COG7: variants seen among roughly 807,000 people sequenced by gnomAD.
The protein encoded by COG7 is component of oligomeric golgi complex 7, also known as conserved oligomeric Golgi complex subunit 7.
A neutral mutation model predicts 91.5 loss-of-function variants in COG7; 49 were observed. That is an observed-to-expected ratio of 0.54 (90% CI 0.43 to 0.68). COG7 has a LOEUF of 0.68. Among genes scored for constraint, COG7 ranks in the 30% least tolerant of loss-of-function variants. The pLI, the probability that COG7 is intolerant of heterozygous loss-of-function variation, is 0.00. For synonymous variants in COG7, 365 were observed against 388.7 expected (o/e 0.94, Z 0.72); for missense variants, 895 against 961.3 (o/e 0.93, Z 0.91).
intron 1 of COG7, chr16:23,446,317 C>T (rs1228715198): frequency 2.3e-5 from 8 of 345,020 alleles, no homozygotes; most frequent in South Asian, 1.4e-4. Context: ...TTAATGTCCA[C>T]GGCGGTCATT....
At chr16:23,418,926 A>G in intron 7 of COG7, 99 bp from the exon 8 acceptor site, 2 of 1,066,712 alleles carry the variant, frequency 1.9e-6, no homozygotes, top group South Asian at 1.3e-5. Context: ...AACTTTCCCC[A>G]TTTGATCTCC....
chr16:23,435,323 C>T (rs771879875), intron 4 of COG7, among the ~76,000 whole-genome samples: 6 of 151,802 alleles, frequency 4.0e-5, no homozygotes, highest in Admixed American at 6.6e-5. Context: ...GCCAAGATCG[C>T]GCCACTGCAC....
intron 1 of COG7, chr16:23,446,556 A>C (rs1021122760): frequency 6.8e-6 from 1 of 148,084 alleles, no homozygotes; most frequent in Non-Finnish European, 1.4e-5. Flanking sequence ...GGTTCAAGTG[A>C]TTCTCCTGCC....
At position 23,433,819 on chromosome 16, in the gene COG7, G is replaced by GAA. The variant is rs34978942; in HGVS notation, c.688-154_688-153dup. ...GTCCATTCACTTCAAAGAAAGGCAG[G>GAA]AAAAAAAAAAAAACATTTGCAGTTA... On this transcript the variant is annotated intron_variant, in intron 5 of 16. Coordinates refer to ENST00000307149, the MANE Select transcript of COG7 (RefSeq NM_153603.4). 0.026 allele frequency: 15,090 copies of GAA among 586,948 alleles called. 94 individuals are homozygous for GAA. The highest frequency in any genetic ancestry group is 0.07 in the African/African-American group (3,529 of 50,078). The allele number at this position is 586,948 out of a possible 1,614,324, so 36.4% of individuals were successfully genotyped here. A position where few individuals can be genotyped will look rare whatever the true frequency, so the allele number is the denominator to read the frequency against.
chr16:23,403,933 T>C, intron 12 of COG7, 99 bp from the exon 13 acceptor site: 1 of 1,436,588 alleles, frequency 7.0e-7, no homozygotes, highest in South Asian at 1.2e-5. Flanking sequence ...AACTGGGGGT[T>C]CTATGCAATA....
intron 1 of COG7, among the ~76,000 whole-genome samples, chr16:23,451,569 A>G (rs141266949): frequency 0.013 from 2,032 of 151,626 alleles, 48 homozygotes; most frequent in African/African-American, 0.046. Flanking sequence ...TTTTTTTTTT[A>G]ATTAGCCAGG....
At chr16:23,404,688 G>T (rs1459883258) in intron 12 of COG7, among the ~76,000 whole-genome samples, 1 of 152,210 alleles carries the variant, frequency 6.6e-6, no homozygotes, top group Non-Finnish European at 1.5e-5. Flanking sequence ...GGGAGGCTGA[G>T]ACAGGCAGAT....
chr16:23,389,410 C>T (rs535684885), intron 16 of COG7, among the ~76,000 whole-genome samples: 15 of 151,652 alleles, frequency 9.9e-5, no homozygotes, highest in Admixed American at 7.2e-4. Flanking sequence ...CACACAAACT[C>T]GCACACACAC....
At chr16:23,426,708 T>C (rs1963851104) in intron 6 of COG7, among the ~76,000 whole-genome samples, 2 of 149,454 alleles carry the variant, frequency 1.3e-5, no homozygotes, top group Non-Finnish European at 2.9e-5. Flanking sequence ...AACCCACAGC[T>C]AACGTGATAC....
intron 7 of COG7, among the ~76,000 whole-genome samples, chr16:23,420,412 G>C (rs1291706328): frequency 1.3e-5 from 2 of 152,044 alleles, no homozygotes; most frequent in Admixed American, 1.3e-4. Flanking sequence ...CATCCTTCTG[G>C]TCCCCTCCTT....
chr16:23,443,033 C>CA (rs11411846), intron 3 of COG7, among the ~76,000 whole-genome samples: 42,643 of 142,430 alleles, frequency 0.3, 6,795 homozygotes, highest in African/African-American at 0.45. Context: ...GACCCCGTCT[C>CA]AAAAAAAAAA....
intron 11 of COG7, among the ~76,000 whole-genome samples, chr16:23,407,530 G>A (rs1006004048): frequency 6.6e-6 from 1 of 152,198 alleles, no homozygotes; most frequent in African/African-American, 2.4e-5. Flanking sequence ...AGGCTTGGTA[G>A]AGGAGAGGCC....
intron 3 of COG7, among the ~76,000 whole-genome samples, chr16:23,444,513 T>TC (rs1006983143): frequency 1.5e-4 from 22 of 144,864 alleles, no homozygotes; most frequent in African/African-American, 4.0e-4. Context: ...TTCTTCTTCT[T>TC]TTTTTTTTTT....
intron 13 of COG7, among the ~76,000 whole-genome samples, chr16:23,399,698 C>A (rs759975707): frequency 6.6e-6 from 1 of 152,036 alleles, no homozygotes; most frequent in East Asian, 1.9e-4. Flanking sequence ...AGGATGTATG[C>A]GGTACACAGA....
intron 7 of COG7, among the ~76,000 whole-genome samples, chr16:23,420,838 G>C (rs1963743215): frequency 6.6e-6 from 1 of 151,752 alleles, no homozygotes; most frequent in Non-Finnish European, 1.5e-5. Flanking sequence ...TGGCCTCCCA[G>C]GCTCAAGAGA....
intron 1 of COG7, among the ~76,000 whole-genome samples, chr16:23,451,030 C>A (rs994205144): frequency 1.3e-5 from 2 of 151,966 alleles, no homozygotes; most frequent in African/African-American, 4.8e-5. Flanking sequence ...CCCATCTCTA[C>A]TAAAAATACA....
At chr16:23,450,406 T>C (rs907285628) in intron 1 of COG7, among the ~76,000 whole-genome samples, 2 of 152,178 alleles carry the variant, frequency 1.3e-5, no homozygotes, top group African/African-American at 4.8e-5. Context: ...CATCCGTCAT[T>C]GTAATTTACT....
intron 11 of COG7, among the ~76,000 whole-genome samples, chr16:23,409,263 T>G (rs1363891896): frequency 3.3e-5 from 5 of 152,076 alleles, no homozygotes; most frequent in African/African-American, 1.2e-4. Flanking sequence ...GTGACAAGAT[T>G]GACATTGGCC....
intron 14 of COG7, among the ~76,000 whole-genome samples, chr16:23,397,762 A>G (rs1448858233): frequency 6.6e-6 from 1 of 152,220 alleles, no homozygotes; most frequent in Non-Finnish European, 1.5e-5. Flanking sequence ...TTCCCAAGTC[A>G]GAATTTCCCA....
Sources: allele counts gnomAD v4.1 joint callset (sites outside exome capture counted in the v4.1 genomes callset), GRCh38; gene constraint gnomAD v4.1.1; transcripts MANE v1.5; gene names NCBI Gene and HGNC (gene_info 2026-07-23, HGNC 2026-07-21).